The following SORCS3 variants were observed in gnomAD, a reference collection of about 807,000 sequenced individuals.
SORCS3 encodes VPS10 domain-containing receptor SorCS3.
In SORCS3, 57 loss-of-function variants were observed where a neutral mutation model predicts 146.3. The ratio of observed to expected loss-of-function variants is 0.39; its 90% CI spans 0.31 to 0.49. The LOEUF is 0.49. SORCS3 is among the 20% of genes least tolerant of loss of function. The pLI is 0.92. For synonymous variants in SORCS3, 653 were observed against 618.5 expected (o/e 1.06, Z -0.83); for missense variants, 1,341 against 1,575.5 (o/e 0.85, Z 2.52).
rs147548494 is a variant in SORCS3, at chr10:105,211,157, A to G, written c.2282A>G (p.His761Arg). The G allele has an allele frequency of 1.8e-5, 29 of 1,613,880 alleles. No individual in the cohort carries two copies. Among genetic ancestry groups the G allele is most frequent in the Non-Finnish European group, 2.4e-5 (28 of 1,179,856 alleles). Residue 761 changes from histidine (H) to arginine (R), a missense_variant, in exon 17 of 27, where the codon CAT becomes CGT. His to Arg is a conservative substitution (Grantham distance 29). Transcript: ENST00000369701. ...DFECDYGYER[H>R]GESQCVPAFW... ...GACAGTGACTATGGGTATGAGAGAC[A>G]TGGGGAGAGCCAGTGTGTCCCAGCT...
chr10:104,813,259 T>C (rs2451474), intron 1 of SORCS3, among the ~76,000 whole-genome samples: 112,280 of 152,180 alleles, frequency 0.74, 41,493 homozygotes, highest in East Asian at 0.83. Flanking sequence ...GACCCGTTCA[T>C]CATCTGCTAA....
At chr10:104,723,104 T>C (rs2016571558) in intron 1 of SORCS3, among the ~76,000 whole-genome samples, 1 of 152,232 alleles carries the variant, frequency 6.6e-6, no homozygotes, top group Admixed American at 6.5e-5. Context: ...CTGCTTTCTC[T>C]TGTGGGCATT....
chr10:104,963,737 C>A (rs2054810842), intron 3 of SORCS3, among the ~76,000 whole-genome samples: 2 of 152,060 alleles, frequency 1.3e-5, no homozygotes, highest in Admixed American at 1.3e-4. Context: ...ATTTCAAAAC[C>A]AAATTCTTTA....
chr10:104,723,535 G>A (rs1242934399), intron 1 of SORCS3, among the ~76,000 whole-genome samples: 1 of 152,088 alleles, frequency 6.6e-6, no homozygotes, highest in Non-Finnish European at 1.5e-5. Flanking sequence ...GGATATCCTT[G>A]TTAACTTTCT....
intron 13 of SORCS3, among the ~76,000 whole-genome samples, chr10:105,176,881 A>T (rs1168092864): frequency 6.6e-6 from 1 of 150,828 alleles, no homozygotes; most frequent in Non-Finnish European, 1.5e-5. Context: ...AAAACCCTTC[A>T]CAGTGTGGTG....
intron 3 of SORCS3, among the ~76,000 whole-genome samples, chr10:104,951,222 T>G (rs2019425733): frequency 6.6e-6 from 1 of 152,226 alleles, no homozygotes; most frequent in South Asian, 2.1e-4. Flanking sequence ...TTTTTTCTTC[T>G]CTATTAGACT....
intron 1 of SORCS3, among the ~76,000 whole-genome samples, chr10:104,795,243 T>C (rs1170826643): frequency 6.6e-6 from 1 of 152,172 alleles, no homozygotes; most frequent in Non-Finnish European, 1.5e-5. Flanking sequence ...CTCCTATATA[T>C]AGAATCACCA....
chr10:104,774,536 G>T (rs1284398008), intron 1 of SORCS3, among the ~76,000 whole-genome samples: 3 of 152,118 alleles, frequency 2.0e-5, no homozygotes, highest in Non-Finnish European at 2.9e-5. Flanking sequence ...TGGCTTTCGC[G>T]GGTGATTAAT....
rs1020882202 is a variant in SORCS3 at position 105,254,758 on chromosome 10, C to T, written c.3238-944C>T. 2.0e-5 allele frequency among the ~76,000 whole-genome samples: 3 copies of T among 152,038 alleles called. No homozygotes were observed. In the South Asian group the frequency reaches 6.2e-4, roughly 32 times the overall value. On this transcript the variant is annotated intron_variant, in intron 23 of 26. Transcript: ENST00000369701. ...AGGTTGCAGCCAGTCAAGATCATGC[C>T]ACTGCACTCCAGCCTGGCAACAGAG...
At chr10:104,747,369 C>T (rs565924796) in intron 1 of SORCS3, among the ~76,000 whole-genome samples, 2 of 152,248 alleles carry the variant, frequency 1.3e-5, no homozygotes, top group East Asian at 3.9e-4. Context: ...GAATGCTGAA[C>T]AACATGGGTA....
intron 3 of SORCS3, 114 bp from the exon 4 acceptor site, chr10:104,977,220 TG>T: frequency 1.4e-6 from 1 of 713,876 alleles, no homozygotes; most frequent in Non-Finnish European, 2.0e-6. Context: ...GAGGCCCAGA[TG>T]CTCCTTTATG....
intron 1 of SORCS3, among the ~76,000 whole-genome samples, chr10:104,742,635 G>T (rs756764280): frequency 2.0e-5 from 3 of 152,202 alleles, no homozygotes; most frequent in Non-Finnish European, 2.9e-5. Context: ...AGCTGGGCCT[G>T]GGGCCTCAAG....
chr10:104,762,841 T>G (rs1478863254), intron 1 of SORCS3, among the ~76,000 whole-genome samples: 1 of 152,204 alleles, frequency 6.6e-6, no homozygotes, highest in African/African-American at 2.4e-5. Context: ...CAATGAAATC[T>G]ACTTTCTTTA....
At chr10:104,643,513 C>T (rs879935648) in intron 1 of SORCS3, among the ~76,000 whole-genome samples, 14 of 152,126 alleles carry the variant, frequency 9.2e-5, no homozygotes, top group Non-Finnish European at 2.1e-4. Context: ...TGAAGACCCC[C>T]GTAGCCTCGG....
chr10:104,859,491 T>C (rs2018375664), intron 2 of SORCS3, among the ~76,000 whole-genome samples: 1 of 152,276 alleles, frequency 6.6e-6, no homozygotes, highest in East Asian at 1.9e-4. Context: ...GCATTACCAT[T>C]CAGGACATAG....
chr10:104,736,792 T>C (rs1025503477), intron 1 of SORCS3, among the ~76,000 whole-genome samples: 18 of 151,414 alleles, frequency 1.2e-4, no homozygotes, highest in Admixed American at 3.3e-4. Flanking sequence ...TTTTTTATTA[T>C]TATTATACTT....
At chr10:104,947,236 G>A (rs1302517355) in intron 3 of SORCS3, among the ~76,000 whole-genome samples, 3 of 152,150 alleles carry the variant, frequency 2.0e-5, no homozygotes, top group South Asian at 2.1e-4. Flanking sequence ...GTTGGTAGAC[G>A]TTCACATTTT....
chr10:105,056,424 A>T (rs2055446400), intron 5 of SORCS3, among the ~76,000 whole-genome samples: 1 of 152,168 alleles, frequency 6.6e-6, no homozygotes, highest in African/African-American at 2.4e-5. Flanking sequence ...TGTGTCGAGG[A>T]GCAATGAGAA....
chr10:105,239,937 A>C (rs2056813339), intron 20 of SORCS3, among the ~76,000 whole-genome samples: 1 of 152,224 alleles, frequency 6.6e-6, no homozygotes, highest in South Asian at 2.1e-4. Flanking sequence ...AAACAAAAGC[A>C]ATTTGGAAAA....
Sources: allele counts gnomAD v4.1 joint callset (sites outside exome capture counted in the v4.1 genomes callset), GRCh38; gene constraint gnomAD v4.1.1; transcripts MANE v1.5; gene names NCBI Gene and HGNC (gene_info 2026-07-23, HGNC 2026-07-21).